GSG1L: variants seen among roughly 807,000 people sequenced by gnomAD.
GSG1L encodes GSG1 like.
GSG1L carries 24 observed loss-of-function variants against 42.1 expected under a neutral mutation model. That is an observed-to-expected ratio of 0.57 (90% confidence interval 0.41 to 0.80). GSG1L has a LOEUF of 0.80. Among genes scored for constraint, GSG1L ranks in the 30% least tolerant of loss-of-function variants. GSG1L has a pLI of 0.00. For synonymous variants in GSG1L, 215 were observed against 203.5 expected (o/e 1.06, Z -0.48); for missense variants, 445 against 472.2 (o/e 0.94, Z 0.53).
intron 3 of GSG1L, among the ~76,000 whole-genome samples, chr16:27,877,632 A>G (rs1223700573): frequency 6.6e-6 from 1 of 151,990 alleles, no homozygotes; most frequent in Non-Finnish European, 1.5e-5. Context: ...ACCTTCCTAT[A>G]TAACCCTCTG....
intron 1 of GSG1L, among the ~76,000 whole-genome samples, chr16:27,981,437 A>G (rs1240571352): frequency 1.3e-5 from 2 of 152,298 alleles, no homozygotes; most frequent in African/African-American, 4.8e-5. Context: ...GGGGAAAAAA[A>G]TGCCAACAGA....
At chr16:27,947,551 AAG>A (rs754238876) in intron 2 of GSG1L, among the ~76,000 whole-genome samples, 3 of 72,210 alleles carry the variant, frequency 4.2e-5, no homozygotes, top group African/African-American at 1.6e-4. Context: ...GAAAGAAAGA[AAG>A]AAAGAAAGAA....
chr16:28,023,416 A>T (rs2085866392), intron 1 of GSG1L, among the ~76,000 whole-genome samples: 2 of 152,336 alleles, frequency 1.3e-5, no homozygotes, highest in Middle Eastern at 3.4e-3. Context: ...TTTGAATGAG[A>T]CTGCAATGAA....
chr16:27,841,586 A>G (rs2083382009), intron 4 of GSG1L, among the ~76,000 whole-genome samples: 1 of 152,190 alleles, frequency 6.6e-6, no homozygotes, highest in Non-Finnish European at 1.5e-5. Context: ...AAATGGCCTC[A>G]CACATATTAA....
intron 3 of GSG1L, among the ~76,000 whole-genome samples, chr16:27,870,080 C>CT (rs2083796562): frequency 7.0e-6 from 1 of 142,004 alleles, no homozygotes; most frequent in African/African-American, 2.7e-5. Flanking sequence ...TCTCTCTTTC[C>CT]TTTTCTCCCT....
At chr16:27,920,256 C>G (rs191179180) in intron 2 of GSG1L, among the ~76,000 whole-genome samples, 1 of 152,220 alleles carries the variant, frequency 6.6e-6, no homozygotes, top group African/African-American at 2.4e-5. Flanking sequence ...CATGGTGTGC[C>G]TACTGTATCT....
chr16:27,896,399 G>A (rs558871808), intron 2 of GSG1L, among the ~76,000 whole-genome samples: 2 of 152,244 alleles, frequency 1.3e-5, no homozygotes, highest in South Asian at 4.2e-4. Flanking sequence ...TGGCACAAGG[G>A]ACTTTGCAGA....
At chr16:27,999,945 G>A (rs1019358315) in intron 1 of GSG1L, among the ~76,000 whole-genome samples, 10 of 152,294 alleles carry the variant, frequency 6.6e-5, no homozygotes, top group Non-Finnish European at 1.2e-4. Context: ...TGCAAAGGAC[G>A]CTGGGAAATG....
At chr16:27,979,826 G>GAAAAGAAAGAA (rs1194411225) in intron 1 of GSG1L, among the ~76,000 whole-genome samples, 5 of 44,072 alleles carry the variant, frequency 1.1e-4, no homozygotes, top group African/African-American at 2.9e-4. Flanking sequence ...AAGAAAGAAA[G>GAAAAGAAAGAA]AGAGAGAGAG....
rs113904871 is a variant in GSG1L at position 27,949,488 on chromosome 16, C to T, written c.397+13668G>A. Reference sequence around the variant, plus strand: ...TCAAGACAGTAACCAAGTGTGGTGGCGCAAGCCTATAGTCCCAGCTACTTG... The same window carrying T: ...TCAAGACAGTAACCAAGTGTGGTGGTGCAAGCCTATAGTCCCAGCTACTTG... On this transcript the variant is annotated intron_variant, in intron 2 of 6. Coordinates refer to ENST00000447459, the MANE Select transcript of GSG1L (RefSeq NM_001109763.2). 4.1e-3 allele frequency among the ~76,000 whole-genome samples: 623 copies of T among 152,266 alleles called. 5 individuals carry two copies. Among genetic ancestry groups the T allele is most frequent in the African/African-American group, 0.013 (540 of 41,562 alleles).
chr16:27,872,420 G>A (rs570383420), intron 3 of GSG1L, among the ~76,000 whole-genome samples: 1 of 152,288 alleles, frequency 6.6e-6, no homozygotes, highest in South Asian at 2.1e-4. Flanking sequence ...CTGTGCCTCA[G>A]TATTCTCAAC....
At chr16:27,963,002 T>C (rs2085087351) in intron 2 of GSG1L, among the ~76,000 whole-genome samples, 154 bp downstream of exon 2, 1 of 151,804 alleles carries the variant, frequency 6.6e-6, no homozygotes, top group Non-Finnish European at 1.5e-5. Context: ...CTCAAGAAAC[T>C]CAGGGCTTTG....
intron 6 of GSG1L, 26 bp downstream of exon 6, chr16:27,807,461 C>G: frequency 6.3e-7 from 1 of 1,598,032 alleles, no homozygotes; most frequent in Non-Finnish European, 8.6e-7. Flanking sequence ...TCTGTCGTAG[C>G]AGATACCCAC....
Position 27,848,001 on chromosome 16 carries a change from T to C in GSG1L, c.551-2940A>G, listed in dbSNP as rs75277581. On this transcript the variant is annotated intron_variant, in intron 3 of 6. Coordinates refer to ENST00000447459, the MANE Select transcript of GSG1L (RefSeq NM_001109763.2). The stretch of plus-strand genomic sequence containing the variant: ...ACAGTCACTTACCAGCTTTGTAACA[T>C]TGGGTAGGTTGACTTTCTGTGCCTC... Among the ~76,000 whole-genome samples the C allele has an allele frequency of 4.3e-3, 653 of 152,298 alleles. 20 individuals are homozygous for C. Among genetic ancestry groups the C allele is most frequent in the Admixed American group, 0.038 (581 of 15,290 alleles).
chr16:27,810,019 T>C (rs951685447), intron 5 of GSG1L, among the ~76,000 whole-genome samples: 1 of 152,236 alleles, frequency 6.6e-6, no homozygotes, highest in African/African-American at 2.4e-5. Flanking sequence ...CATATATTGA[T>C]AATCACCAAT....
chr16:27,976,440 T>G (rs957418832), intron 1 of GSG1L, among the ~76,000 whole-genome samples: 1 of 152,152 alleles, frequency 6.6e-6, no homozygotes, highest in East Asian at 1.9e-4. Context: ...AATGAAGCAA[T>G]TAATAGTACT....
At chr16:27,885,218 C>T (rs563223211) in intron 2 of GSG1L, among the ~76,000 whole-genome samples, 19 of 152,222 alleles carry the variant, frequency 1.2e-4, no homozygotes, top group Admixed American at 4.6e-4. Flanking sequence ...GGTGCAATCA[C>T]GGTTCACTGC....
At chr16:27,977,769 C>T (rs935309432) in intron 1 of GSG1L, among the ~76,000 whole-genome samples, 1 of 152,066 alleles carries the variant, frequency 6.6e-6, no homozygotes, top group Middle Eastern at 3.2e-3. Flanking sequence ...AGTCTTGTCA[C>T]CTCTACACCC....
intron 2 of GSG1L, among the ~76,000 whole-genome samples, chr16:27,948,028 C>T (rs1204186792): frequency 6.6e-6 from 1 of 152,120 alleles, no homozygotes; most frequent in Non-Finnish European, 1.5e-5. Flanking sequence ...AAGATTCCTC[C>T]CCAGCCCTAC....
Sources: allele counts gnomAD v4.1 joint callset (sites outside exome capture counted in the v4.1 genomes callset), GRCh38; gene constraint gnomAD v4.1.1; transcripts MANE v1.5; gene names NCBI Gene and HGNC (gene_info 2026-07-23, HGNC 2026-07-21).